MFF: variants seen among roughly 807,000 people sequenced by gnomAD.
MFF encodes mitochondrial fission factor.
MFF carries 12 observed loss-of-function variants against 36.9 expected under a neutral mutation model. That is an observed-to-expected ratio of 0.33 (90% CI 0.21 to 0.53). The LOEUF (loss-of-function observed/expected upper bound fraction) is 0.53, where lower values mean the gene tolerates loss of function less well. Among genes scored for constraint, MFF ranks in the 20% least tolerant of loss-of-function variants. MFF has a pLI of 0.95. For missense variants in MFF, 348 were observed against 366.6 expected (o/e 0.95, Z 0.42); for synonymous variants, 99 against 126.2 (o/e 0.78, Z 1.44).
At chr2:227,352,298 T>G in intron 6 of MFF, 1 of 460,200 alleles carries the variant, frequency 2.2e-6, no homozygotes, top group Non-Finnish European at 3.9e-6. Flanking sequence ...ATTCCCTTTG[T>G]TTCTTTGATC....
At position 227,330,466 on chromosome 2, in the gene MFF, C is replaced by G. The variant is rs775063762; in HGVS notation, c.-40-160C>G. On this transcript the variant is annotated intron_variant, in intron 2 of 8. Transcript: ENST00000304593. The stretch of plus-strand genomic sequence containing the variant: ...TAAGAAGGCATTTTGTTGAGGAAGA[C>G]ATTTTCTTTCATCTTTTATTTTTGC... 3 of 587,864 alleles carry G rather than the reference C, an allele frequency of 5.1e-6. No homozygotes were observed. In the African/African-American group the frequency reaches 5.6e-5, roughly 11 times the overall value. The allele number at this position is 587,864 out of a possible 1,614,324, so 36.4% of individuals were successfully genotyped here. A position where few individuals can be genotyped will look rare whatever the true frequency, so the allele number is the denominator to read the frequency against.
intron 7 of MFF, 119 bp from the exon 8 acceptor site, chr2:227,355,558 A>G: frequency 1.9e-6 from 1 of 521,502 alleles, no homozygotes; most frequent in Non-Finnish European, 3.5e-6. Flanking sequence ...AGTAATTCAT[A>G]TTATTAAGTA....
intron 8 of MFF, among the ~76,000 whole-genome samples, 168 bp from the exon 9 acceptor site, chr2:227,356,818 A>G (rs544082894): frequency 6.6e-6 from 1 of 152,228 alleles, no homozygotes; most frequent in Non-Finnish European, 1.5e-5. Flanking sequence ...CATGAATGAC[A>G]TGTTTTTCTA....
At chr2:227,331,375 G>C (rs191486397) in intron 3 of MFF, among the ~76,000 whole-genome samples, 17 of 152,270 alleles carry the variant, frequency 1.1e-4, no homozygotes, top group Admixed American at 5.2e-4. Context: ...TTTTATTGCT[G>C]GGTAATATTT....
At chr2:227,354,162 A>ATT (rs1198816492) in intron 7 of MFF, among the ~76,000 whole-genome samples, 1 of 152,210 alleles carries the variant, frequency 6.6e-6, no homozygotes, top group Non-Finnish European at 1.5e-5. Flanking sequence ...ATGGTTGTAG[A>ATT]TTATCTAGAG....
At chr2:227,347,112 G>T (rs1335260010) in intron 5 of MFF, 114 bp from the exon 6 acceptor site, 2 of 798,186 alleles carry the variant, frequency 2.5e-6, no homozygotes, top group Non-Finnish European at 4.0e-6. Context: ...GAGAGTGAAG[G>T]GTGGGAAAGG....
chr2:227,343,490 ACTAT>A (rs1381824605), intron 5 of MFF, among the ~76,000 whole-genome samples: 1 of 152,172 alleles, frequency 6.6e-6, no homozygotes, highest in Non-Finnish European at 1.5e-5. Flanking sequence ...GCTTCCAGGA[ACTAT>A]TCAGTTGCCA....
At chr2:227,330,980 T>G in intron 3 of MFF, 134 bp downstream of exon 3, 1 of 688,886 alleles carries the variant, frequency 1.5e-6, no homozygotes, top group Non-Finnish European at 2.5e-6. Context: ...GAAATTTCTA[T>G]TCATTATTAT....
chr2:227,326,184 C>T (rs1471554233), intron 1 of MFF, among the ~76,000 whole-genome samples: 1 of 151,528 alleles, frequency 6.6e-6, no homozygotes, highest in African/African-American at 2.4e-5. Flanking sequence ...GGAAGAGCAC[C>T]CTTTCAAAAG....
intron 4 of MFF, among the ~76,000 whole-genome samples, chr2:227,333,132 C>T (rs2074724064): frequency 1.3e-5 from 2 of 152,208 alleles, no homozygotes; most frequent in Non-Finnish European, 2.9e-5. Flanking sequence ...ACCTTTGAAG[C>T]TGCTTTGCCG....
chr2:227,344,927 T>C (rs577289935), intron 5 of MFF, among the ~76,000 whole-genome samples: 1 of 152,354 alleles, frequency 6.6e-6, no homozygotes, highest in South Asian at 2.1e-4. Context: ...TTTCATCTTT[T>C]ATCTTTCTAC....
chr2:227,337,524 C>T (rs940113299), intron 4 of MFF, among the ~76,000 whole-genome samples: 1 of 152,114 alleles, frequency 6.6e-6, no homozygotes, highest in Admixed American at 6.6e-5. Context: ...ATTTACTTGC[C>T]CAGGAATTTA....
chr2:227,345,760 G>A (rs2075675662), intron 5 of MFF, among the ~76,000 whole-genome samples: 1 of 152,138 alleles, frequency 6.6e-6, no homozygotes, highest in Admixed American at 6.5e-5. Flanking sequence ...CCATGGATCA[G>A]TAGATAATGT....
At chr2:227,336,537 G>T (rs948492430) in intron 4 of MFF, among the ~76,000 whole-genome samples, 5 of 152,204 alleles carry the variant, frequency 3.3e-5, no homozygotes, top group African/African-American at 9.7e-5. Context: ...GAAGAGTAAA[G>T]GCATTGAGTG....
At chr2:227,333,073 G>A (rs1677530221) in intron 4 of MFF, among the ~76,000 whole-genome samples, 1 of 152,232 alleles carries the variant, frequency 6.6e-6, no homozygotes, top group Non-Finnish European at 1.5e-5. Flanking sequence ...GACTAACAAG[G>A]TGTTAGTAAC....
chr2:227,331,855 A>T (rs71431034), intron 3 of MFF, among the ~76,000 whole-genome samples: 12,814 of 152,128 alleles, frequency 0.084, 569 homozygotes, highest in Admixed American at 0.11. Context: ...AAGAGTTTTA[A>T]ATATTCTAGA....
At chr2:227,325,458 C>G (rs1346978836) in intron 1 of MFF, 31 bp downstream of exon 1, 1 of 152,712 alleles carries the variant, frequency 6.5e-6, no homozygotes, top group East Asian at 1.9e-4. Flanking sequence ...GACCCGCGAC[C>G]TGCCGCCCGA....
chr2:227,329,763 C>A, intron 2 of MFF: 1 of 1,582,720 alleles, frequency 6.3e-7, no homozygotes, highest in Non-Finnish European at 8.7e-7. Context: ...AAGGAACAAG[C>A]AGTGACACAT....
At chr2:227,330,564 C>G in intron 2 of MFF, 62 bp from the exon 3 acceptor site, 1 of 1,122,614 alleles carries the variant, frequency 8.9e-7, no homozygotes, top group East Asian at 2.4e-5. Context: ...CTTCTAACTT[C>G]ACTGCGTAGA....
Sources: gnomAD v4.1 joint callset for allele counts (sites outside exome capture counted in the v4.1 genomes callset) on GRCh38, gnomAD v4.1.1 for gene constraint, MANE v1.5 for transcripts, NCBI Gene and HGNC (gene_info 2026-07-23, HGNC 2026-07-21) for gene names.